Variants in RDX observed in about 807,000 individuals in gnomAD.
The protein encoded by RDX is deafness, autosomal recessive 24.
A neutral mutation model predicts 83.7 loss-of-function variants in RDX; 32 were observed. The ratio of observed to expected loss-of-function variants is 0.38; its 90% CI spans 0.29 to 0.51. RDX has a LOEUF of 0.51. Among genes scored for constraint, RDX ranks in the 20% least tolerant of loss-of-function variants. The probability of loss-of-function intolerance (pLI) is 0.87; values close to 1 mark genes in which losing one functional copy is unlikely to be tolerated. For missense variants in RDX, 600 were observed against 689.9 expected (o/e 0.87, Z 1.46); for synonymous variants, 229 against 222.7 (o/e 1.03, Z -0.25).
At chr11:110,186,204 T>C (rs1171848161) in intron 15 of RDX, among the ~76,000 whole-genome samples, 1 of 152,204 alleles carries the variant, frequency 6.6e-6, no homozygotes, top group Admixed American at 6.5e-5. Context: ...TGGGTTCTTG[T>C]TCTGAGACTT....
rs968956016 is a variant in RDX, at chr11:110,229,767, A to G, written c.*2102T>C. On this transcript the variant is annotated 3_prime_UTR_variant, in exon 14 of 14. Transcript: ENST00000645495. ...TCATAAACAGCAAAATATAACTGAT[A>G]ATTTTTCAATACTGTATCAAACTGA... is the stretch of plus-strand genomic sequence containing the variant. The G allele has an allele frequency of 6.6e-6, 1 of 152,506 alleles. No individual in the cohort carries two copies. Among genetic ancestry groups the G allele is most frequent in the Non-Finnish European group, 1.5e-5 (1 of 67,918 alleles). 9.4% of individuals were successfully genotyped at this position (152,506 alleles called of 1,614,324 possible).
chr11:110,278,146 ATTAAT>A (rs1187292111), intron 2 of RDX, among the ~76,000 whole-genome samples: 2 of 152,154 alleles, frequency 1.3e-5, no homozygotes, highest in Admixed American at 6.5e-5. Flanking sequence ...CACCGATCCT[ATTAAT>A]TTATTCTTTC....
chr11:110,201,034 C>T (rs779408616), intron 14 of RDX, among the ~76,000 whole-genome samples: 4 of 151,994 alleles, frequency 2.6e-5, no homozygotes, highest in African/African-American at 7.2e-5. Context: ...AAATTAACCG[C>T]GCATGGTGGC....
intron 12 of RDX, among the ~76,000 whole-genome samples, chr11:110,234,806 T>C (rs999089963): frequency 2.6e-5 from 4 of 152,188 alleles, no homozygotes; most frequent in African/African-American, 9.6e-5. Context: ...AAATTTAAAC[T>C]GCTACAAAGA....
At chr11:110,241,910 G>C (rs1267101144) in intron 10 of RDX, among the ~76,000 whole-genome samples, 4 of 152,114 alleles carry the variant, frequency 2.6e-5, no homozygotes, top group Non-Finnish European at 4.4e-5. Flanking sequence ...ATTATGTTAA[G>C]TGAAATAAGC....
intron 10 of RDX, among the ~76,000 whole-genome samples, chr11:110,241,200 G>A (rs773295446): frequency 6.6e-6 from 1 of 152,084 alleles, no homozygotes; most frequent in Non-Finnish European, 1.5e-5. Flanking sequence ...ATACGGCACT[G>A]GATGTTACCA....
chr11:110,233,157 T>A, intron 13 of RDX, 80 bp downstream of exon 13: 1 of 1,562,394 alleles, frequency 6.4e-7, no homozygotes, highest in Admixed American at 1.7e-5. Context: ...ACTTCTATAT[T>A]CTTTTTAACT....
chr11:110,201,464 T>C (rs1863398491), intron 14 of RDX, among the ~76,000 whole-genome samples: 1 of 152,058 alleles, frequency 6.6e-6, no homozygotes, highest in Admixed American at 6.6e-5. Context: ...TGAGTTTCCC[T>C]AACAGGGAAA....
At chr11:110,195,240 A>T (rs1248352886) in intron 15 of RDX, among the ~76,000 whole-genome samples, 1 of 152,042 alleles carries the variant, frequency 6.6e-6, no homozygotes, top group African/African-American at 2.4e-5. Flanking sequence ...CTGGGATTAC[A>T]GACGTGAGCC....
chr11:110,182,005 T>G (rs12273407), intron 15 of RDX, among the ~76,000 whole-genome samples: 5,607 of 152,180 alleles, frequency 0.037, 355 homozygotes, highest in African/African-American at 0.13. Flanking sequence ...TGTTCCTCCC[T>G]CGGCCACCCT....
At chr11:110,253,397 T>C (rs1267349709) in intron 9 of RDX, among the ~76,000 whole-genome samples, 1 of 152,194 alleles carries the variant, frequency 6.6e-6, no homozygotes, top group Non-Finnish European at 1.5e-5. Context: ...CCCAGTAATC[T>C]GATTCCAGGG....
At chr11:110,273,865 C>T (rs1860399127) in intron 2 of RDX, among the ~76,000 whole-genome samples, 1 of 152,178 alleles carries the variant, frequency 6.6e-6, no homozygotes, top group Non-Finnish European at 1.5e-5. Flanking sequence ...AACACTGTTT[C>T]TGTAACAACT....
intron 5 of RDX, among the ~76,000 whole-genome samples, chr11:110,258,764 A>G (rs889977326): frequency 2.6e-5 from 4 of 152,004 alleles, no homozygotes; most frequent in African/African-American, 9.7e-5. Flanking sequence ...AATACTTTCA[A>G]TTAAAAAGTA....
At chr11:110,187,912 T>A (rs1047508439) in intron 15 of RDX, among the ~76,000 whole-genome samples, 1 of 152,228 alleles carries the variant, frequency 6.6e-6, no homozygotes, top group Non-Finnish European at 1.5e-5. Context: ...TACCCACAAG[T>A]GCCATCCACT....
chr11:110,246,846 G>A (rs1041025191), intron 10 of RDX, among the ~76,000 whole-genome samples: 2 of 151,670 alleles, frequency 1.3e-5, no homozygotes, highest in African/African-American at 2.4e-5. Context: ...CTGTTCCCAA[G>A]CATTTTCAAC....
rs746720537 is a variant in RDX, at chr11:110,264,765, C to T, written c.192+14G>A. On this transcript the variant is annotated intron_variant, in intron 4 of 13. Transcript: ENST00000645495. ...AACATAATTATTAGTTTAATGTTAT[C>T]GTACATATTTTACCTTTTTATTTAG... 14 of 1,528,308 alleles carry T rather than the reference C, an allele frequency of 9.2e-6. No homozygotes were observed. Among genetic ancestry groups the T allele is most frequent in the East Asian group, 4.5e-5 (2 of 44,160 alleles). 94.7% of individuals were successfully genotyped at this position (1,528,308 alleles called of 1,614,324 possible).
At chr11:110,295,309 A>T (rs1392061962) in intron 1 of RDX, among the ~76,000 whole-genome samples, 4 of 14,638 alleles carry the variant, frequency 2.7e-4, no homozygotes, top group East Asian at 6.8e-3. Context: ...TTAGTGTTCT[A>T]AAAAAAAAAA....
At chr11:110,211,086 C>T (rs1591514598) in intron 14 of RDX, among the ~76,000 whole-genome samples, 1 of 152,108 alleles carries the variant, frequency 6.6e-6, no homozygotes, top group South Asian at 2.1e-4. Flanking sequence ...TGTGCTGTAT[C>T]CAGGAAACCC....
At chr11:110,285,524 G>A (rs922465966) in intron 1 of RDX, among the ~76,000 whole-genome samples, 5 of 152,060 alleles carry the variant, frequency 3.3e-5, no homozygotes, top group Non-Finnish European at 5.9e-5. Flanking sequence ...GACCATCCTG[G>A]GCAACATGGA....
Sources: gnomAD v4.1 joint callset for allele counts (sites outside exome capture counted in the v4.1 genomes callset) on GRCh38, gnomAD v4.1.1 for gene constraint, MANE v1.5 for transcripts, NCBI Gene and HGNC (gene_info 2026-07-23, HGNC 2026-07-21) for gene names.